Variants in CRACD observed in about 807,000 individuals in gnomAD.
CRACD encodes the protein capping protein inhibiting regulator of actin dynamics.
A neutral mutation model predicts 106.8 loss-of-function variants in CRACD; 56 were observed. The ratio of observed to expected loss-of-function variants is 0.52; its 90% CI spans 0.42 to 0.66. The LOEUF (loss-of-function observed/expected upper bound fraction) is 0.66. Ranked by LOEUF, CRACD falls within the 30% of genes least tolerant of loss-of-function variation. CRACD has a pLI of 0.00. For synonymous variants in CRACD, 754 were observed against 670.8 expected (o/e 1.12, Z -1.92); for missense variants, 1,730 against 1,623.2 (o/e 1.07, Z -1.13).
At chr4:56,242,703 A>G (rs1288322297) in intron 2 of CRACD, among the ~76,000 whole-genome samples, 1 of 151,906 alleles carries the variant, frequency 6.6e-6, no homozygotes, top group Non-Finnish European at 1.5e-5. Flanking sequence ...GAGCACTTGA[A>G]CCCCATTTTC....
At position 56,315,230 on chromosome 4, in the gene CRACD, C is replaced by T; in HGVS notation, c.1728C>T (p.Pro576=). 1 of 1,596,984 alleles carries T rather than the reference C, an allele frequency of 6.3e-7. No homozygotes were observed. Among genetic ancestry groups the T allele is most frequent in the East Asian group, 2.3e-5 (1 of 44,192 alleles). The change falls in exon 8 of 11, where the codon CCC becomes CCT. Residue 576 remains proline (P), a synonymous_variant. Coordinates refer to ENST00000682029, the MANE Select transcript of CRACD (RefSeq NM_001393381.1). The surrounding 1 kb of genome is among the most constrained non-coding windows in gnomAD (Gnocchi z 4.1). ...CTGCTCCCCAGGAACCAAAGGCCCC[C>T]AAAGCCAGCCCAGTCCAGCACGCCC... The part of the protein sequence containing the change: ...LTAAPQEPKA[P]KASPVQHALP...
intron 1 of CRACD, among the ~76,000 whole-genome samples, chr4:56,108,074 G>A (rs1478893814): frequency 1.3e-5 from 2 of 152,108 alleles, no homozygotes; most frequent in African/African-American, 4.8e-5. Context: ...TGTTTTAGAT[G>A]GGATACGTGA....
intron 1 of CRACD, among the ~76,000 whole-genome samples, chr4:56,065,149 A>G (rs1290173312): frequency 2.6e-5 from 4 of 151,884 alleles, no homozygotes; most frequent in Admixed American, 2.0e-4. Context: ...GTGCAATGAC[A>G]TGATCTCAGC....
At chr4:56,195,066 A>G (rs1737541540) in intron 2 of CRACD, among the ~76,000 whole-genome samples, 1 of 152,222 alleles carries the variant, frequency 6.6e-6, no homozygotes, top group South Asian at 2.1e-4. Context: ...GATCTTTTCT[A>G]CTTGAGGTTC....
intron 1 of CRACD, among the ~76,000 whole-genome samples, chr4:56,061,630 G>GGA (rs779091240): frequency 1.2e-4 from 18 of 152,042 alleles, no homozygotes; most frequent in Non-Finnish European, 7.4e-5. Flanking sequence ...CATTCTGGTG[G>GGA]GAGAGAGAGA....
At chr4:56,061,299 T>C (rs1365907031) in intron 1 of CRACD, among the ~76,000 whole-genome samples, 1 of 152,110 alleles carries the variant, frequency 6.6e-6, no homozygotes, top group Non-Finnish European at 1.5e-5. Context: ...GCCTCCCAAG[T>C]AGCTGGGACT....
chr4:56,162,824 T>C (rs926583522), intron 1 of CRACD, among the ~76,000 whole-genome samples: 5 of 152,216 alleles, frequency 3.3e-5, no homozygotes, highest in Non-Finnish European at 7.3e-5. Flanking sequence ...TTGTTTAATT[T>C]GTTGGTTGGG....
chr4:56,064,730 T>C (rs1241828969), intron 1 of CRACD, among the ~76,000 whole-genome samples: 1 of 152,202 alleles, frequency 6.6e-6, no homozygotes, highest in African/African-American at 2.4e-5. Flanking sequence ...CCCTCACACA[T>C]TGTTCACATG....
chr4:56,299,141 C>T (rs529711118), intron 4 of CRACD, among the ~76,000 whole-genome samples: 8 of 152,270 alleles, frequency 5.3e-5, no homozygotes, highest in South Asian at 2.1e-4. Context: ...CCACCCTAAG[C>T]CACCTTGTCT....
chr4:56,181,503 A>T lies in CRACD; in HGVS notation c.-189+2073A>T, dbSNP rs112327393. ...CACCCAGCACACACACAAAATACAT[A>T]CATTAGGCCTCTAGCACCATATTAA... On this transcript the variant is annotated intron_variant, in intron 2 of 10. Transcript: ENST00000682029. Among the ~76,000 whole-genome samples, 816 of 152,328 alleles carry T rather than the reference A, an allele frequency of 5.4e-3. 8 individuals carry two copies. The highest frequency in any genetic ancestry group is 0.019 in the African/African-American group (773 of 41,556).
chr4:56,120,264 A>T (rs573583025), intron 1 of CRACD, among the ~76,000 whole-genome samples: 2 of 152,114 alleles, frequency 1.3e-5, no homozygotes, highest in East Asian at 3.8e-4. Context: ...TCATGTTTTC[A>T]TAATTATTTG....
rs1195704529 is a variant in CRACD, at chr4:56,315,315, G to A, written c.1813G>A (p.Gly605Ser). The A allele has an allele frequency of 1.9e-6, 3 of 1,613,896 alleles. No individual in the cohort carries two copies. Among genetic ancestry groups the A allele is most frequent in the African/African-American group, 2.7e-5 (2 of 75,040 alleles). ...TCTGGTCACGGGCGCGCAGCTCTGT[G>A]GCCCGGCAGTCAACCTGAGCCAGAT... ...AILVTGAQLC[G>S]PAVNLSQIKD... Residue 605 changes from glycine (G) to serine (S), a missense_variant, in exon 8 of 11, where the codon GGC (glycine) becomes AGC (serine). Physicochemically the swap from Gly to Ser is moderately conservative, Grantham distance 56 (BLOSUM62 0). Around this residue, in one of 5 missense-constraint regions of CRACD, gnomAD observed 1,620 missense variants for 1,481.6 expected, o/e 1.09. Transcript: ENST00000682029. This position sits in a 1 kb window ranked among gnomAD's most constrained non-coding sequence, Gnocchi z 4.1.
At chr4:56,156,118 G>A (rs942073281) in intron 1 of CRACD, among the ~76,000 whole-genome samples, 12 of 152,236 alleles carry the variant, frequency 7.9e-5, no homozygotes, top group South Asian at 6.2e-4. Flanking sequence ...AGGCTACCAC[G>A]CCCAGCTAAT....
intron 1 of CRACD, among the ~76,000 whole-genome samples, chr4:56,066,128 A>G (rs770100764): frequency 6.6e-6 from 1 of 152,094 alleles, no homozygotes; most frequent in African/African-American, 2.4e-5. Flanking sequence ...CCTTTTATCA[A>G]TTGTGAACAG....
At chr4:56,136,854 A>AC (rs1363749849) in intron 1 of CRACD, among the ~76,000 whole-genome samples, 1 of 152,196 alleles carries the variant, frequency 6.6e-6, no homozygotes, top group African/African-American at 2.4e-5. Flanking sequence ...ACTTTCTTCT[A>AC]CATTTTTTCT....
intron 4 of CRACD, 124 bp from the exon 5 acceptor site, chr4:56,307,411 G>C (rs1256288897): frequency 9.2e-6 from 7 of 763,532 alleles, no homozygotes; most frequent in Non-Finnish European, 2.1e-6. Context: ...GCATGGTGTT[G>C]AGTCTAGAAA....
At chr4:56,135,633 A>G (rs1419648006) in intron 1 of CRACD, among the ~76,000 whole-genome samples, 1 of 152,224 alleles carries the variant, frequency 6.6e-6, no homozygotes, top group Non-Finnish European at 1.5e-5. Context: ...ACAAAGACAG[A>G]CGTCTCATCT....
intron 1 of CRACD, among the ~76,000 whole-genome samples, chr4:56,111,902 G>T (rs559820224): frequency 8.1e-4 from 123 of 152,282 alleles, no homozygotes; most frequent in African/African-American, 2.8e-3. Flanking sequence ...GAGAAAAAGG[G>T]TATAAAAGTG....
Position 56,171,384 on chromosome 4 carries a change from G to A in CRACD, c.-335-7900G>A, listed in dbSNP as rs78628969. On this transcript the variant is annotated intron_variant, in intron 1 of 10. Transcript: ENST00000682029. ...AAAACAACCAGGAAGACACAGTATCGAAGAAACTAAAGGAACAGTTTCAAG... is the reference window on the plus strand; with the variant it reads ...AAAACAACCAGGAAGACACAGTATCAAAGAAACTAAAGGAACAGTTTCAAG... Among the ~76,000 whole-genome samples, 299 of 152,248 alleles carry A rather than the reference G, an allele frequency of 2.0e-3. 1 individual carries two copies. Among genetic ancestry groups the A allele is most frequent in the African/African-American group, 6.8e-3 (281 of 41,570 alleles).
Sources: allele counts gnomAD v4.1 joint callset (sites outside exome capture counted in the v4.1 genomes callset), GRCh38; gene constraint gnomAD v4.1.1; regional missense constraint gnomAD v4.1.1; non-coding constraint Gnocchi (gnomAD v3.1); transcripts MANE v1.5; gene names NCBI Gene and HGNC (gene_info 2026-07-23, HGNC 2026-07-21).